Variants in TMEM131L observed in about 807,000 individuals in gnomAD.
TMEM131L encodes the protein transmembrane protein 131-like.
A neutral mutation model predicts 192.2 loss-of-function variants in TMEM131L; 54 were observed. The observed-to-expected ratio is 0.28, with a 90% CI of 0.23 to 0.35. The LOEUF (loss-of-function observed/expected upper bound fraction) is 0.35. TMEM131L is among the 10% of genes least tolerant of loss of function. TMEM131L has a pLI of 1.00. For missense variants in TMEM131L, 1,888 were observed against 1,972.9 expected (o/e 0.96, Z 0.82); for synonymous variants, 701 against 704.9 (o/e 0.99, Z 0.09).
At chr4:153,524,131 G>GTT (rs57178282) in intron 3 of TMEM131L, among the ~76,000 whole-genome samples, 33 of 122,706 alleles carry the variant, frequency 2.7e-4, no homozygotes, top group Non-Finnish European at 3.8e-4. Context: ...TTTCACTTCT[G>GTT]TTTTTTTTTT....
At chr4:153,562,572 T>G (rs1728916974) in intron 7 of TMEM131L, among the ~76,000 whole-genome samples, 1 of 152,216 alleles carries the variant, frequency 6.6e-6, no homozygotes, top group Admixed American at 6.5e-5. Flanking sequence ...TTTTTTACTC[T>G]CTGCCTGTTG....
At chr4:153,550,185 T>A (rs1183422914) in intron 4 of TMEM131L, 44 bp downstream of exon 4, 1 of 833,628 alleles carries the variant, frequency 1.2e-6, no homozygotes, top group African/African-American at 1.8e-5. Context: ...TTATTTATAC[T>A]ATTTATTTTC....
chr4:153,553,141 G>A (rs916208679), intron 4 of TMEM131L, among the ~76,000 whole-genome samples: 15 of 152,046 alleles, frequency 9.9e-5, no homozygotes, highest in Non-Finnish European at 2.9e-5. Flanking sequence ...ACCTTTGGAG[G>A]ACTTAGTTAC....
Position 153,591,105 on chromosome 4 carries a change from T to TC in TMEM131L, c.1724dup (p.Glu576ArgfsTer26). The stretch of plus-strand genomic sequence containing the variant: ...TGCTCACTTGAAGAAATCCAAGGAG[T>TC]CAGAGTCCTTTGTTTTCTTTTTGCC... On this transcript the variant is annotated frameshift_variant, in exon 17 of 35. Coordinates refer to ENST00000409959, the MANE Select transcript of TMEM131L (RefSeq NM_001131007.2). LOFTEE classifies it high-confidence loss of function. The TC allele has an allele frequency of 6.2e-7, 1 of 1,609,822 alleles. No individual in the cohort carries two copies.
chr4:153,581,115 G>T (rs1035598994), intron 8 of TMEM131L, among the ~76,000 whole-genome samples: 4 of 152,168 alleles, frequency 2.6e-5, no homozygotes, highest in Admixed American at 1.3e-4. Flanking sequence ...TTAGCCAGGC[G>T]TGCTGGCGGG....
At position 153,627,641 on chromosome 4, in the gene TMEM131L, C is replaced by G; in HGVS notation, c.4161C>G (p.Ser1387=). 2 of 1,614,134 alleles carry G rather than the reference C, an allele frequency of 1.2e-6. No homozygotes were observed. The highest frequency in any genetic ancestry group is 1.7e-6 in the Non-Finnish European group (2 of 1,179,982). ...VNSLPQYAEP[S]CPSLPAGPTG... ...GTCTCCCACAATACGCAGAGCCTTC[C>G]TGTCCCAGCCTTCCTGCCGGGCCCA... Residue 1387 remains serine (S), a synonymous_variant, in exon 31 of 35, where the codon TCC becomes TCG. Coordinates refer to ENST00000409959, the MANE Select transcript of TMEM131L (RefSeq NM_001131007.2).
chr4:153,505,341 C>T (rs77339115), intron 3 of TMEM131L, among the ~76,000 whole-genome samples: 4,328 of 152,110 alleles, frequency 0.028, 126 homozygotes, highest in South Asian at 0.069. Flanking sequence ...CTCCTGACCT[C>T]GTGATCCACC....
intron 7 of TMEM131L, among the ~76,000 whole-genome samples, chr4:153,568,329 C>T (rs1578763642): frequency 1.3e-5 from 2 of 152,298 alleles, no homozygotes; most frequent in African/African-American, 2.4e-5. Context: ...TCTTCACGCT[C>T]CGTCTTCCTC....
At chr4:153,504,266 CTTTTTTTTTTTTTTTTT>C (rs531620464) in intron 3 of TMEM131L, among the ~76,000 whole-genome samples, 19 of 42,630 alleles carry the variant, frequency 4.5e-4, no homozygotes, top group East Asian at 9.8e-4. Flanking sequence ...CGCGGTCGGC[CTTTTTTTTTTTTTTTTT>C]TTTTTTTTTT....
At chr4:153,630,886 A>G (rs751986437) in intron 31 of TMEM131L, among the ~76,000 whole-genome samples, 2 of 152,198 alleles carry the variant, frequency 1.3e-5, no homozygotes, top group Non-Finnish European at 2.9e-5. Flanking sequence ...AAGGACCTCT[A>G]TCTTGACTGG....
At chr4:153,492,104 C>A (rs116671414) in intron 3 of TMEM131L, among the ~76,000 whole-genome samples, 3 of 151,872 alleles carry the variant, frequency 2.0e-5, no homozygotes, top group African/African-American at 7.3e-5. Context: ...TGGGCTCAAG[C>A]GATCCCCCTG....
chr4:153,623,077 C>A lies in TMEM131L; in HGVS notation c.4039C>A (p.Pro1347Thr). ...KPMVDAQHFL[P>T]AGDSVSQNDF... ...CATGGTGGACGCCCAGCACTTCCTGCCGGCCGGTGAGTCCTGAGCAGAGCC... is the reference window on the plus strand; with the variant it reads ...CATGGTGGACGCCCAGCACTTCCTGACGGCCGGTGAGTCCTGAGCAGAGCC... Residue 1347 changes from proline (P) to threonine (T), a missense_variant, in exon 29 of 35, where the codon CCG becomes ACG. By Grantham distance (38) the Pro-to-Thr change is conservative (BLOSUM62 -1). Transcript: ENST00000409959. 6.3e-7 allele frequency: 1 copy of A among 1,599,766 alleles called. No homozygotes were observed. Among genetic ancestry groups the A allele is most frequent in the Middle Eastern group, 1.7e-4 (1 of 5,886 alleles).
chr4:153,488,509 A>G (rs1273791834), intron 3 of TMEM131L, among the ~76,000 whole-genome samples: 1 of 152,186 alleles, frequency 6.6e-6, no homozygotes, highest in East Asian at 1.9e-4. Context: ...GGCCTGGGAT[A>G]GCCCAGCCTG....
intron 3 of TMEM131L, among the ~76,000 whole-genome samples, chr4:153,528,194 T>C (rs1735637233): frequency 6.6e-6 from 1 of 152,216 alleles, no homozygotes; most frequent in Admixed American, 6.5e-5. Context: ...CCTCTTCAGG[T>C]GGATTATTTA....
At chr4:153,488,333 C>G (rs1732510229) in intron 3 of TMEM131L, among the ~76,000 whole-genome samples, 4 of 152,230 alleles carry the variant, frequency 2.6e-5, no homozygotes, top group Admixed American at 2.0e-4. Context: ...TGGGCGGAAG[C>G]AGCACGGGGC....
rs138576457 is a variant in TMEM131L, at chr4:153,500,546, A to T, written c.239+26658A>T. ...TAATGAAGCCCAAGATTTCATTAGCACTTCTAGTAGCAGTGTCTTTCTACT... is the reference window on the plus strand; with the variant it reads ...TAATGAAGCCCAAGATTTCATTAGCTCTTCTAGTAGCAGTGTCTTTCTACT... On this transcript the variant is annotated intron_variant, in intron 3 of 34. Transcript: ENST00000409959. 1.2e-3 allele frequency among the ~76,000 whole-genome samples: 185 copies of T among 152,286 alleles called. 1 individual carries two copies. The highest frequency in any genetic ancestry group is 4.3e-3 in the African/African-American group (179 of 41,556).
chr4:153,630,875 C>T (rs1425662682), intron 31 of TMEM131L, among the ~76,000 whole-genome samples: 7 of 152,212 alleles, frequency 4.6e-5, no homozygotes, highest in Non-Finnish European at 8.8e-5. Flanking sequence ...ATACCCTTAC[C>T]AAGGACCTCT....
At chr4:153,561,599 T>TACCATTTGTTGAA (rs1728850624) in intron 7 of TMEM131L, among the ~76,000 whole-genome samples, 1 of 152,230 alleles carries the variant, frequency 6.6e-6, no homozygotes, top group Non-Finnish European at 1.5e-5. Flanking sequence ...GTAGTTCCAG[T>TACCATTTGTTGAA]ACCATTTGTT....
intron 17 of TMEM131L, among the ~76,000 whole-genome samples, chr4:153,592,179 T>C (rs181075590): frequency 2.1e-4 from 32 of 152,076 alleles, no homozygotes; most frequent in Non-Finnish European, 4.3e-4. Flanking sequence ...TCAAGTGTTT[T>C]CAGAGATCCC....
Sources: gnomAD v4.1 joint callset for allele counts (sites outside exome capture counted in the v4.1 genomes callset) on GRCh38, gnomAD v4.1.1 for gene constraint, MANE v1.5 for transcripts, NCBI Gene and HGNC (gene_info 2026-07-23, HGNC 2026-07-21) for gene names.